Variants in GALNT17 observed in about 807,000 individuals in gnomAD.
GALNT17 encodes the protein UDP-GalNAc:polypeptide N-acetylgalactosaminyltransferase-like 3.
A neutral mutation model predicts 63.7 loss-of-function variants in GALNT17; 29 were observed. The ratio of observed to expected loss-of-function variants is 0.46; its 90% CI spans 0.34 to 0.62. The LOEUF is 0.62. Ranked by LOEUF, GALNT17 falls within the 20% of genes least tolerant of loss-of-function variation. The pLI is 0.01. For synonymous variants in GALNT17, 305 were observed against 318.3 expected (o/e 0.96, Z 0.45); for missense variants, 603 against 799.6 (o/e 0.75, Z 2.97).
chr7:71,231,230 G>GT (rs775354917), intron 1 of GALNT17, among the ~76,000 whole-genome samples: 5,180 of 140,200 alleles, frequency 0.037, 214 homozygotes, highest in African/African-American at 0.1. Context: ...TATTTTTGCT[G>GT]TTTTTTTTTT....
chr7:71,689,482 A>G (rs1409954563), intron 9 of GALNT17, among the ~76,000 whole-genome samples: 1 of 152,230 alleles, frequency 6.6e-6, no homozygotes, highest in Non-Finnish European at 1.5e-5. Context: ...ACATTCCCTT[A>G]AGCCAAAAGC....
chr7:71,326,720 G>T lies in GALNT17; in HGVS notation c.239-8830G>T, dbSNP rs1364940471. Among the ~76,000 whole-genome samples the T allele has an allele frequency of 2.6e-5, 4 of 152,182 alleles. No homozygotes were observed. The East Asian group carries it at 5.8e-4, about 22-fold the overall frequency. The stretch of plus-strand genomic sequence containing the variant: ...CTGAATTAAAAAACACTATTAATAT[G>T]AGATGTCTACTTGCCCCAGCCTGGG... On this transcript the variant is annotated intron_variant, in intron 1 of 10. Coordinates refer to ENST00000333538, the MANE Select transcript of GALNT17 (RefSeq NM_022479.3).
At chr7:71,345,805 T>C (rs566786579) in intron 2 of GALNT17, among the ~76,000 whole-genome samples, 3 of 152,246 alleles carry the variant, frequency 2.0e-5, no homozygotes, top group Non-Finnish European at 4.4e-5. Flanking sequence ...AGTGGAGCTT[T>C]TTTTATATGA....
At chr7:71,496,110 GACTT>G (rs775863898) in intron 5 of GALNT17, among the ~76,000 whole-genome samples, 7 of 152,190 alleles carry the variant, frequency 4.6e-5, no homozygotes, top group Non-Finnish European at 1.0e-4. Flanking sequence ...AGATGGTCGA[GACTT>G]AGAGAGACAA....
chr7:71,275,287 A>G (rs1051752590), intron 1 of GALNT17, among the ~76,000 whole-genome samples: 2 of 152,284 alleles, frequency 1.3e-5, no homozygotes, highest in East Asian at 3.9e-4. Context: ...GCAAATTCCC[A>G]AGATGTAGTG....
chr7:71,654,814 G>C (rs1355053953), intron 6 of GALNT17, among the ~76,000 whole-genome samples: 1 of 152,108 alleles, frequency 6.6e-6, no homozygotes, highest in Non-Finnish European at 1.5e-5. Flanking sequence ...TTTTGAGATG[G>C]AGTCTTGCTT....
intron 5 of GALNT17, among the ~76,000 whole-genome samples, chr7:71,544,728 C>T (rs893062747): frequency 6.6e-6 from 1 of 152,206 alleles, no homozygotes; most frequent in Non-Finnish European, 1.5e-5. Flanking sequence ...GGTGAATATC[C>T]ATCAAGAAGG....
intron 5 of GALNT17, among the ~76,000 whole-genome samples, chr7:71,477,591 A>G (rs1787746061): frequency 6.6e-6 from 1 of 152,092 alleles, no homozygotes; most frequent in Non-Finnish European, 1.5e-5. Context: ...AGTCTCAGCT[A>G]CTCAAGAGGA....
chr7:71,284,883 C>CT (rs533114666), intron 1 of GALNT17, among the ~76,000 whole-genome samples: 114 of 144,618 alleles, frequency 7.9e-4, no homozygotes, highest in East Asian at 4.8e-3. Flanking sequence ...AAGTTCTGAG[C>CT]TTTTTTTTTT....
At chr7:71,696,065 T>TA (rs1791536172) in intron 9 of GALNT17, among the ~76,000 whole-genome samples, 1 of 152,214 alleles carries the variant, frequency 6.6e-6, no homozygotes, top group Admixed American at 6.5e-5. Context: ...ATTAATGGAA[T>TA]ATATCTCTCT....
chr7:71,341,056 A>G (rs73181649), intron 2 of GALNT17, among the ~76,000 whole-genome samples: 6,835 of 152,268 alleles, frequency 0.045, 229 homozygotes, highest in Non-Finnish European at 0.075. Flanking sequence ...AAATCATAGA[A>G]TAAAAAATAA....
intron 5 of GALNT17, among the ~76,000 whole-genome samples, chr7:71,496,569 C>T (rs948180054): frequency 3.3e-5 from 5 of 152,140 alleles, no homozygotes; most frequent in Admixed American, 6.5e-5. Flanking sequence ...TGCCCTCCTT[C>T]CCCGAAGCCC....
intron 1 of GALNT17, among the ~76,000 whole-genome samples, chr7:71,218,268 C>A (rs764676772): frequency 2.0e-5 from 3 of 152,026 alleles, no homozygotes; most frequent in Non-Finnish European, 4.4e-5. Flanking sequence ...GTGGTGGGTG[C>A]CTGTAATCCC....
intron 5 of GALNT17, among the ~76,000 whole-genome samples, chr7:71,457,262 T>G (rs1385591541): frequency 1.3e-5 from 2 of 152,190 alleles, no homozygotes; most frequent in East Asian, 3.9e-4. Flanking sequence ...GATATGCACC[T>G]CTTTTGTCTT....
chr7:71,198,534 A>G (rs1428416803), intron 1 of GALNT17, among the ~76,000 whole-genome samples: 1 of 152,236 alleles, frequency 6.6e-6, no homozygotes, highest in African/African-American at 2.4e-5. Context: ...CTCTGGAGAC[A>G]GCTAACCTGG....
At chr7:71,650,038 T>C (rs1305673476) in intron 6 of GALNT17, among the ~76,000 whole-genome samples, 2 of 152,230 alleles carry the variant, frequency 1.3e-5, no homozygotes, top group Non-Finnish European at 2.9e-5. Context: ...GGCAGAGCCA[T>C]GCTGGCTGAG....
chr7:71,564,278 CTT>C (rs10539122), intron 5 of GALNT17, among the ~76,000 whole-genome samples: 16 of 98,010 alleles, frequency 1.6e-4, no homozygotes, highest in African/African-American at 5.8e-4. Flanking sequence ...CTTTTCTTTT[CTT>C]TTTTTTTTTT....
At chr7:71,400,247 G>A (rs933234022) in intron 3 of GALNT17, among the ~76,000 whole-genome samples, 1 of 151,966 alleles carries the variant, frequency 6.6e-6, no homozygotes, top group East Asian at 1.9e-4. Flanking sequence ...GAGAACATGC[G>A]GTGTTTGGTT....
intron 2 of GALNT17, among the ~76,000 whole-genome samples, chr7:71,343,658 T>A (rs1036254737): frequency 6.6e-6 from 1 of 152,194 alleles, no homozygotes; most frequent in African/African-American, 2.4e-5. Flanking sequence ...TTATAAATAT[T>A]CTATTCTGTT....
Sources: allele counts gnomAD v4.1 joint callset (sites outside exome capture counted in the v4.1 genomes callset), GRCh38; gene constraint gnomAD v4.1.1; transcripts MANE v1.5; gene names NCBI Gene and HGNC (gene_info 2026-07-23, HGNC 2026-07-21).